CEP135: variants seen among roughly 807,000 people sequenced by gnomAD.
The protein encoded by CEP135 is centrosomal protein of 135 kDa.
CEP135 carries 142 observed loss-of-function variants against 157.3 expected under a neutral mutation model. That is an observed-to-expected ratio of 0.90 (90% CI 0.79 to 1.04). The LOEUF is 1.04. CEP135 is among the 50% of genes least tolerant of loss of function. The pLI is 0.00. For missense variants in CEP135, 1,317 were observed against 1,309.2 expected, an observed-to-expected ratio of 1.01 and a Z score of -0.09; for synonymous variants, 396 against 439.8, an observed-to-expected ratio of 0.90 and a Z score of 1.25.
intron 25 of CEP135, among the ~76,000 whole-genome samples, chr4:56,028,309 G>A (rs182885520): frequency 3.0e-4 from 46 of 152,194 alleles, no homozygotes; most frequent in Admixed American, 3.9e-4. Context: ...TGTTTTCCAC[G>A]TGCTGCACCA....
At chr4:55,988,542 C>T (rs1031121539) in intron 14 of CEP135, among the ~76,000 whole-genome samples, 1 of 152,168 alleles carries the variant, frequency 6.6e-6, no homozygotes, top group Admixed American at 6.5e-5. Flanking sequence ...CGCCTGTAGT[C>T]CCAGCTACTT....
rs545545958 is a variant in CEP135, at chr4:56,009,083, G to C, written c.2337-652G>C. On this transcript the variant is annotated intron_variant, in intron 18 of 25. Coordinates refer to ENST00000257287, the MANE Select transcript of CEP135 (RefSeq NM_025009.5). ...TCAGCTAATTTAAAAAAAAATTTTT[G>C]TAGAAACAACGTCTCCCTATATTGC... Among the ~76,000 whole-genome samples, 326 of 152,202 alleles carry C rather than the reference G, an allele frequency of 2.1e-3. 2 individuals are homozygous for C. The highest frequency in any genetic ancestry group is 7.4e-3 in the African/African-American group (308 of 41,546).
chr4:55,991,967 G>A lies in CEP135; in HGVS notation c.1891G>A (p.Val631Met). ...CGAAAAATATGAATTAAAGTCTAAA[G>A]TGTTAATAATGAAAGAAACAATAGA... The part of the protein sequence containing the change: ...ESEKYELKSK[V>M]LIMKETIESL... Residue 631 changes from valine to methionine, a missense_variant, in exon 15 of 26, where the codon GTG becomes ATG. By Grantham distance (21) the Val-to-Met change is conservative. Transcript: ENST00000257287. 6.5e-7 allele frequency: 1 copy of A among 1,542,186 alleles called. No homozygotes were observed. Among genetic ancestry groups the A allele is most frequent in the Non-Finnish European group, 8.9e-7 (1 of 1,129,086 alleles).
At chr4:55,949,587 G>A (rs1203157800) in intron 1 of CEP135, among the ~76,000 whole-genome samples, 1 of 152,138 alleles carries the variant, frequency 6.6e-6, no homozygotes, top group Non-Finnish European at 1.5e-5. Context: ...TGTCGTTTGG[G>A]GTTTCTTGTT....
At chr4:55,999,215 C>A in intron 15 of CEP135, 87 bp from the exon 16 acceptor site, 1 of 1,043,396 alleles carries the variant, frequency 9.6e-7, no homozygotes, top group Non-Finnish European at 1.4e-6. Flanking sequence ...AATAAGACAT[C>A]AAAATATTTT....
chr4:56,029,897 G>T (rs1469443595), intron 25 of CEP135, among the ~76,000 whole-genome samples: 1 of 152,142 alleles, frequency 6.6e-6, no homozygotes, highest in African/African-American at 2.4e-5. Context: ...GAACGTGAAG[G>T]CCTAGGACAT....
chr4:55,969,129 G>GT lies in CEP135; in HGVS notation c.1110+2dup, dbSNP rs758777324. ...AGAAACAATGGCAAAACTTCAGCTG[G>GT]TAAGTTGATGTCATGTTGAATTGCC... is the stretch of plus-strand genomic sequence containing the variant. On this transcript the variant is annotated splice_donor_variant, in intron 9 of 25. Coordinates refer to ENST00000257287, the MANE Select transcript of CEP135 (RefSeq NM_025009.5). LOFTEE classifies it high-confidence loss of function. The GT allele has an allele frequency of 6.2e-7, 1 of 1,611,234 alleles. No homozygotes were observed. The highest frequency in any genetic ancestry group is 8.5e-7 in the Non-Finnish European group (1 of 1,178,834).
intron 15 of CEP135, among the ~76,000 whole-genome samples, chr4:55,997,253 T>C (rs980976512): frequency 7.2e-5 from 11 of 152,332 alleles, no homozygotes; most frequent in Non-Finnish European, 1.5e-4. Flanking sequence ...ACATTGAAGG[T>C]CTGGTATCTA....
At chr4:56,017,600 A>G (rs1269171649) in intron 21 of CEP135, 48 bp from the exon 22 acceptor site, 3 of 1,472,220 alleles carry the variant, frequency 2.0e-6, no homozygotes, top group Admixed American at 4.7e-5. Flanking sequence ...AGTTCTTAAA[A>G]TTATTGGGTT....
intron 13 of CEP135, among the ~76,000 whole-genome samples, chr4:55,984,007 T>TC (rs1304163819): frequency 1.3e-5 from 2 of 152,160 alleles, no homozygotes; most frequent in Non-Finnish European, 2.9e-5. Flanking sequence ...TGGTCATTGT[T>TC]CTCCCTCACC....
chr4:55,952,508 T>C (rs1049096620), intron 2 of CEP135: 1 of 278,740 alleles, frequency 3.6e-6, no homozygotes, highest in Non-Finnish European at 6.6e-6. Flanking sequence ...GTTTCTGATA[T>C]AATTGAGAGA....
At chr4:55,961,647 C>T in intron 6 of CEP135, among the ~76,000 whole-genome samples, 1 of 151,338 alleles carries the variant, frequency 6.6e-6, no homozygotes, top group East Asian at 1.9e-4. Flanking sequence ...TCCTGTAATC[C>T]CAGCTACTTG....
At chr4:55,996,850 AT>A (rs1251293501) in intron 15 of CEP135, among the ~76,000 whole-genome samples, 3 of 152,142 alleles carry the variant, frequency 2.0e-5, no homozygotes, top group Non-Finnish European at 4.4e-5. Context: ...TTTGTTTAAA[AT>A]TTACTGCATT....
chr4:55,985,482 G>A (rs1440582115), intron 14 of CEP135, 124 bp downstream of exon 14: 1 of 302,878 alleles, frequency 3.3e-6, no homozygotes, highest in East Asian at 6.4e-5. Context: ...TTGAGATGGA[G>A]TCTCGCTCTG....
At chr4:55,953,646 G>C (rs994292476) in intron 3 of CEP135, among the ~76,000 whole-genome samples, 4 of 152,032 alleles carry the variant, frequency 2.6e-5, no homozygotes, top group Non-Finnish European at 5.9e-5. Context: ...TAAATTTTTA[G>C]AATTAAAAAT....
chr4:56,026,976 G>A (rs375680607), intron 25 of CEP135, among the ~76,000 whole-genome samples: 9 of 152,316 alleles, frequency 5.9e-5, no homozygotes, highest in African/African-American at 2.2e-4. Flanking sequence ...TCCTCATTGT[G>A]AACATTAGTT....
intron 10 of CEP135, among the ~76,000 whole-genome samples, chr4:55,974,199 C>A (rs771820412): frequency 2.0e-5 from 3 of 152,134 alleles, no homozygotes; most frequent in Non-Finnish European, 4.4e-5. Context: ...GAAAATCATT[C>A]CATGCCTCAG....
At chr4:55,983,949 G>C (rs1339009895) in intron 13 of CEP135, among the ~76,000 whole-genome samples, 1 of 152,154 alleles carries the variant, frequency 6.6e-6, no homozygotes, top group Non-Finnish European at 1.5e-5. Flanking sequence ...ACATTACTTT[G>C]TCTTGAATTT....
intron 25 of CEP135, among the ~76,000 whole-genome samples, chr4:56,025,439 A>G (rs902976264): frequency 2.0e-5 from 3 of 152,222 alleles, no homozygotes; most frequent in Non-Finnish European, 2.9e-5. Flanking sequence ...AGTAGTACAC[A>G]TGGTACAGTA....
Sources: allele counts gnomAD v4.1 joint callset (sites outside exome capture counted in the v4.1 genomes callset), GRCh38; gene constraint gnomAD v4.1.1; transcripts MANE v1.5; gene names NCBI Gene and HGNC (gene_info 2026-07-23, HGNC 2026-07-21).